Variants in AAMP observed in about 807,000 individuals in gnomAD.
AAMP encodes the protein angio-associated migratory cell protein.
In AAMP, 12 loss-of-function variants were observed where a neutral mutation model predicts 51.1. The observed-to-expected ratio is 0.23, with a 90% confidence interval of 0.15 to 0.38. The LOEUF (loss-of-function observed/expected upper bound fraction) is 0.38. AAMP is among the 10% of genes least tolerant of loss of function. AAMP has a pLI of 1.00. For synonymous variants in AAMP, 210 were observed against 218.7 expected (o/e 0.96, Z 0.35); for missense variants, 418 against 557.2 (o/e 0.75, Z 2.52).
chr2:218,264,928 C>A, intron 10 of AAMP, 92 bp downstream of exon 10: 1 of 1,565,822 alleles, frequency 6.4e-7, no homozygotes, highest in Non-Finnish European at 8.7e-7. Context: ...CCTTAGGAAT[C>A]CCTTCCCACA....
In AAMP at chr2:218,264,385, G is replaced by A. The variant is rs375910443; in HGVS notation, c.*148C>T. 82 of 765,842 alleles carry A rather than the reference G, an allele frequency of 1.1e-4. No individual in the cohort carries two copies. The African/African-American group carries it at 1.2e-3, about 11-fold the overall frequency. The allele number at this position is 765,842 out of a possible 1,614,324, so 47.4% of individuals were successfully genotyped here. Reference sequence around the variant, plus strand: ...TGGGTCTCTAAAGAGAAGAAAAGGAGAGGGGAGCAAGTCAGTTGAAGAGGC... The same window carrying A: ...TGGGTCTCTAAAGAGAAGAAAAGGAAAGGGGAGCAAGTCAGTTGAAGAGGC... On this transcript the variant is annotated 3_prime_UTR_variant, in exon 11 of 11. Coordinates refer to ENST00000248450, the MANE Select transcript of AAMP (RefSeq NM_001087.5).
Position 218,266,598 on chromosome 2 carries a change from A to G in AAMP, c.535-11T>C. On this transcript the variant is annotated splice_polypyrimidine_tract_variant and intron_variant, in intron 4 of 10. Transcript: ENST00000248450. The surrounding 1 kb of genome is among the most constrained non-coding windows in gnomAD (Gnocchi z 4.7). ...ATGCCACTCCATCCACTGGACAGGGAGGAAGGGGCAGCAGGGAGGCCCGTC... is the reference window on the plus strand; with the variant it reads ...ATGCCACTCCATCCACTGGACAGGGGGGAAGGGGCAGCAGGGAGGCCCGTC... 6.2e-7 allele frequency: 1 copy of G among 1,607,484 alleles called. No individual in the cohort carries two copies. The highest frequency in any genetic ancestry group is 8.5e-7 in the Non-Finnish European group (1 of 1,175,370).
In AAMP at chr2:218,270,110, T is replaced by C. The variant is rs759886507; in HGVS notation, c.-24A>G. ...ATGCGGCGCAAGCGGCGGATCCACTTCTCTGGGCCCAAACGCCTCCCAGAG... is the reference window on the plus strand; with the variant it reads ...ATGCGGCGCAAGCGGCGGATCCACTCCTCTGGGCCCAAACGCCTCCCAGAG... On this transcript the variant is annotated 5_prime_UTR_variant, in exon 1 of 11. Transcript: ENST00000248450. 2 of 1,612,660 alleles carry C rather than the reference T, an allele frequency of 1.2e-6. No homozygotes were observed. Among genetic ancestry groups the C allele is most frequent in the Admixed American group, 1.7e-5 (1 of 59,872 alleles).
intron 2 of AAMP, among the ~76,000 whole-genome samples, chr2:218,268,694 CTTTT>C (rs150733595): frequency 8.2e-5 from 9 of 109,428 alleles, no homozygotes; most frequent in Non-Finnish European, 9.7e-5. Context: ...TCAAAGATAA[CTTTT>C]TTTTTTTTTT....
Position 218,266,709 on chromosome 2 carries a change from G to A in AAMP, c.535-122C>T. 1 of 1,550,746 alleles carries A rather than the reference G, an allele frequency of 6.4e-7. No homozygotes were observed. On this transcript the variant is annotated intron_variant, in intron 4 of 10. Coordinates refer to ENST00000248450, the MANE Select transcript of AAMP (RefSeq NM_001087.5). The surrounding 1 kb of genome is among the most constrained non-coding windows in gnomAD (Gnocchi z 4.7). ...TTCCGCGGGGACTTTCCAGGTAGCAGGTAGATATTCTTCCTGTGCCTTGGG... is the reference window on the plus strand; with the variant it reads ...TTCCGCGGGGACTTTCCAGGTAGCAAGTAGATATTCTTCCTGTGCCTTGGG...
At position 218,265,810 on chromosome 2, in the gene AAMP, C is replaced by G. The variant is rs1342201579; in HGVS notation, c.879+21G>C. On this transcript the variant is annotated intron_variant, in intron 7 of 10. Transcript: ENST00000248450. The surrounding 1 kb of genome is among the most constrained non-coding windows in gnomAD (Gnocchi z 6.6). The stretch of plus-strand genomic sequence containing the variant: ...GGAGTCGGGAAAGCGGAGGCCCCAG[C>G]CGGGCTCCAGGTCCACTCACCTTGC... 6.2e-7 allele frequency: 1 copy of G among 1,602,508 alleles called. No individual in the cohort carries two copies. Among genetic ancestry groups the G allele is most frequent in the African/African-American group, 1.3e-5 (1 of 74,872 alleles).
chr2:218,265,401 C>A lies in AAMP; in HGVS notation c.1044G>T (p.Thr348=), dbSNP rs762219755. ...GCTGACACTGATGCCTAAGAGTCTGCGTAGCCAGGTCATAGATGGCCAAGG... is the reference window on the plus strand; with the variant it reads ...GCTGACACTGATGCCTAAGAGTCTGAGTAGCCAGGTCATAGATGGCCAAGG... ...DGTLAIYDLA[T]QTLRHQCQHQ... is the part of the protein sequence containing the mutation. Residue 348 remains threonine (T), a synonymous_variant, in exon 9 of 11, where the codon ACG becomes ACT. Coordinates refer to ENST00000248450, the MANE Select transcript of AAMP (RefSeq NM_001087.5). This position sits in a 1 kb window ranked among gnomAD's most constrained non-coding sequence, Gnocchi z 6.6. The A allele has an allele frequency of 1.3e-6, 2 of 1,561,670 alleles. No individual in the cohort carries two copies. Among genetic ancestry groups the A allele is most frequent in the Non-Finnish European group, 1.7e-6 (2 of 1,152,072 alleles).
chr2:218,264,296 A>G lies in AAMP; in HGVS notation c.*237T>C. On this transcript the variant is annotated 3_prime_UTR_variant, in exon 11 of 11. Coordinates refer to ENST00000248450, the MANE Select transcript of AAMP (RefSeq NM_001087.5). ...CACCAGCAAATGAAAGTGAAAGAGAAACAGGTCCACCCCTCCCTCTGAAGG... is the reference window on the plus strand; with the variant it reads ...CACCAGCAAATGAAAGTGAAAGAGAGACAGGTCCACCCCTCCCTCTGAAGG... 1 of 547,600 alleles carries G rather than the reference A, an allele frequency of 1.8e-6. No individual in the cohort carries two copies. Among genetic ancestry groups the G allele is most frequent in the Non-Finnish European group, 3.3e-6 (1 of 305,742 alleles). 33.9% of individuals were successfully genotyped at this position (547,600 alleles called of 1,614,324 possible).
intron 2 of AAMP, among the ~76,000 whole-genome samples, chr2:218,268,214 GCC>G (rs1559493684): frequency 6.6e-6 from 1 of 151,988 alleles, no homozygotes; most frequent in African/African-American, 2.4e-5. Context: ...TGATCCACCC[GCC>G]TCGGCCTCCC....
chr2:218,264,223 AACCTCAAAC>A lies in AAMP; in HGVS notation c.*301_*309del, dbSNP rs1291772589. ...GAGACTTGGGAAGGGAAAGAACGGG[AACCTCAAAC>A]ACCTACTCCCCACATACAAATACAC... On this transcript the variant is annotated 3_prime_UTR_variant, in exon 11 of 11. Coordinates refer to ENST00000248450, the MANE Select transcript of AAMP (RefSeq NM_001087.5). 2.7e-5 allele frequency: 11 copies of A among 412,972 alleles called. No homozygotes were observed. The highest frequency in any genetic ancestry group is 6.5e-4 in the Middle Eastern group (1 of 1,542). 25.6% of individuals were successfully genotyped at this position (412,972 alleles called of 1,614,324 possible).
At chr2:218,269,928 G>C (rs370817797) in intron 1 of AAMP, 38 bp downstream of exon 1, 19 of 1,613,262 alleles carry the variant, frequency 1.2e-5, no homozygotes, top group South Asian at 1.1e-4. Flanking sequence ...AGGGGTGAGC[G>C]TCTCCTGTCC....
At position 218,266,136 on chromosome 2, in the gene AAMP, C is replaced by T. The variant is rs1164706168; in HGVS notation, c.691G>A (p.Val231Met). 1.2e-6 allele frequency: 2 copies of T among 1,614,034 alleles called. No individual in the cohort carries two copies. Among genetic ancestry groups the T allele is most frequent in the Middle Eastern group, 1.6e-4 (1 of 6,084 alleles). The change falls in exon 6 of 11, where the codon GTG (valine) becomes ATG (methionine). Residue 231 changes from valine (V) to methionine (M), a missense_variant. By Grantham distance (21) the Val-to-Met change is conservative. Coordinates refer to ENST00000248450, the MANE Select transcript of AAMP (RefSeq NM_001087.5). The surrounding 1 kb of genome is among the most constrained non-coding windows in gnomAD (Gnocchi z 4.7). Reference protein sequence around the residue: ...GRVLPDGKRAVVGYEDGTIRI... With the variant: ...GRVLPDGKRAMVGYEDGTIRI... ...ATGGTCCCATCTTCATAGCCTACCA[C>T]AGCTCTCTTCCCTGAAGAGAGGCAC...
In AAMP at chr2:218,269,970, G is replaced by C; in HGVS notation, c.117C>G (p.Asp39Glu). ...EVVELDPGPP[D>E]PDDLAQEMED... Reference sequence around the variant, plus strand: ...CTGAGGAGCGGCAGTTCTCACCTGGGTCCGGCGGACCGGGATCAAGTTCTA... The same window carrying C: ...CTGAGGAGCGGCAGTTCTCACCTGGCTCCGGCGGACCGGGATCAAGTTCTA... The change falls in exon 1 of 11, where the codon GAC becomes GAG. Residue 39 changes from aspartate (D) to glutamate (E), a missense_variant. Coordinates refer to ENST00000248450, the MANE Select transcript of AAMP (RefSeq NM_001087.5). 1 of 1,614,146 alleles carries C rather than the reference G, an allele frequency of 6.2e-7. No individual in the cohort carries two copies. The highest frequency in any genetic ancestry group is 8.5e-7 in the Non-Finnish European group (1 of 1,180,012).
Position 218,265,984 on chromosome 2 carries a change from A to ACCTC in AAMP, c.764-42_764-39dup, listed in dbSNP as rs1388495580. 6.2e-7 allele frequency: 1 copy of ACCTC among 1,607,676 alleles called. No homozygotes were observed. Among genetic ancestry groups the ACCTC allele is most frequent in the Non-Finnish European group, 8.5e-7 (1 of 1,174,642 alleles). Reference sequence around the variant, plus strand: ...AGGGAGGCAGCTCAGGCTTCGTCCTACCTCCCCTCTGAGTCCTGCCCCAGG... The same window carrying ACCTC: ...AGGGAGGCAGCTCAGGCTTCGTCCTACCTCCCTCCCCTCTGAGTCCTGCCCCAGG... On this transcript the variant is annotated intron_variant, in intron 6 of 10. Transcript: ENST00000248450. This position sits in a 1 kb window ranked among gnomAD's most constrained non-coding sequence, Gnocchi z 6.6.
chr2:218,265,409 G>T lies in AAMP; in HGVS notation c.1036C>A (p.Leu346Met). The T allele has an allele frequency of 6.4e-7, 1 of 1,563,416 alleles. No individual in the cohort carries two copies. The highest frequency in any genetic ancestry group is 8.7e-7 in the Non-Finnish European group (1 of 1,152,928). The change falls in exon 9 of 11, where the codon CTG becomes ATG. Residue 346 changes from leucine to methionine, a missense_variant. Coordinates refer to ENST00000248450, the MANE Select transcript of AAMP (RefSeq NM_001087.5). This position sits in a 1 kb window ranked among gnomAD's most constrained non-coding sequence, Gnocchi z 6.6. ...YLDGTLAIYD[L>M]ATQTLRHQCQ... ...TGATGCCTAAGAGTCTGCGTAGCCAGGTCATAGATGGCCAAGGTCCCATCC... is the reference window on the plus strand; with the variant it reads ...TGATGCCTAAGAGTCTGCGTAGCCATGTCATAGATGGCCAAGGTCCCATCC...
At position 218,269,982 on chromosome 2, in the gene AAMP, G is replaced by A. The variant is rs1300655446; in HGVS notation, c.105C>T (p.Pro35=). 1.9e-6 allele frequency: 3 copies of A among 1,614,158 alleles called. No homozygotes were observed. Among genetic ancestry groups the A allele is most frequent in the Non-Finnish European group, 1.7e-6 (2 of 1,180,006 alleles). Residue 35 remains proline (P), a synonymous_variant, in exon 1 of 11, where the codon CCC becomes CCT. Transcript: ENST00000248450. ...AGTTCTCACCTGGGTCCGGCGGACC[G>A]GGATCAAGTTCTACCACCTCGATAA... ...EEIIEVVELD[P]GPPDPDDLAQ... is the part of the protein sequence containing the mutation.
intron 10 of AAMP, among the ~76,000 whole-genome samples, chr2:218,264,819 G>A (rs944975998): frequency 6.6e-6 from 1 of 152,172 alleles, no homozygotes; most frequent in African/African-American, 2.4e-5. Flanking sequence ...ATCAGTCTCA[G>A]CCTCTCCCTC....
rs1053873518 is a variant in AAMP, at chr2:218,266,802, C to T, written c.534+45G>A. The stretch of plus-strand genomic sequence containing the variant: ...TGGCCTCCCAAGCTTGCACCCCCAA[C>T]AACCCAAGGCCCCACAGAGCTGACT... On this transcript the variant is annotated intron_variant, in intron 4 of 10. Transcript: ENST00000248450. This position sits in a 1 kb window ranked among gnomAD's most constrained non-coding sequence, Gnocchi z 4.7. The T allele has an allele frequency of 6.2e-7, 1 of 1,609,266 alleles. No individual in the cohort carries two copies. The highest frequency in any genetic ancestry group is 8.5e-7 in the Non-Finnish European group (1 of 1,177,212).
Position 218,266,635 on chromosome 2 carries a change from C to T in AAMP, c.535-48G>A. On this transcript the variant is annotated intron_variant, in intron 4 of 10. Coordinates refer to ENST00000248450, the MANE Select transcript of AAMP (RefSeq NM_001087.5). The surrounding 1 kb of genome is among the most constrained non-coding windows in gnomAD (Gnocchi z 4.7). ...CAGGGAGGCCCGTCACCCCATCCCA[C>T]CTAGAAGCCTGCCCCATGAGCTCCA... The T allele has an allele frequency of 1.3e-6, 2 of 1,586,028 alleles. No homozygotes were observed. The highest frequency in any genetic ancestry group is 1.1e-5 in the South Asian group (1 of 88,040).
Sources: gnomAD v4.1 joint callset for allele counts (sites outside exome capture counted in the v4.1 genomes callset) on GRCh38, gnomAD v4.1.1 for gene constraint, Gnocchi (gnomAD v3.1) non-coding constraint, MANE v1.5 for transcripts, NCBI Gene and HGNC (gene_info 2026-07-23, HGNC 2026-07-21) for gene names.